Variants in ARVCF observed in about 807,000 individuals in gnomAD.
The protein encoded by ARVCF is ARVCF delta catenin family member.
Under a neutral mutation model 90.9 loss-of-function variants are expected in ARVCF, and 66 were observed. The ratio of observed to expected loss-of-function variants is 0.73; its 90% CI spans 0.60 to 0.89. The LOEUF is 0.89. Among genes scored for constraint, ARVCF ranks in the 40% least tolerant of loss-of-function variants. The pLI, the probability that ARVCF is intolerant of heterozygous loss-of-function variation, is 0.00. For missense variants in ARVCF, 1,469 were observed against 1,382.3 expected, an observed-to-expected ratio of 1.06 and a Z score of -1.00; for synonymous variants, 653 against 603.4, an observed-to-expected ratio of 1.08 and a Z score of -1.21.
chr22:19,972,094 C>T (rs1942843638), intron 17 of ARVCF, 123 bp from the exon 18 acceptor site: 1 of 998,948 alleles, frequency 1.0e-6, no homozygotes, highest in Non-Finnish European at 1.5e-6. Context: ...CAGCCCCCAC[C>T]CACCCTGTCC....
At position 19,976,911 on chromosome 22, in the gene ARVCF, C is replaced by A. The variant is rs536888467; in HGVS notation, c.1871-188G>T. Among the ~76,000 whole-genome samples the A allele has an allele frequency of 2.0e-5, 3 of 152,044 alleles. No individual in the cohort carries two copies. In the South Asian group the frequency reaches 6.2e-4, roughly 32 times the overall value. ...CACCAGGGGTACAAGAAGAGGGAGG[C>A]CTGGGGTCAGTGGGGCAGGGGCAGG... On this transcript the variant is annotated intron_variant, in intron 9 of 19. Transcript: ENST00000263207.
At position 20,009,747 on chromosome 22, in the gene ARVCF, C is replaced by T. The variant is rs115211289; in HGVS notation, c.-19+708G>A. ...CAGCCTCCAACCCTGCCATGCTTCCCAGGCGCTATGCCTCAGTCCCACTGG... is the reference window on the plus strand; with the variant it reads ...CAGCCTCCAACCCTGCCATGCTTCCTAGGCGCTATGCCTCAGTCCCACTGG... On this transcript the variant is annotated intron_variant, in intron 2 of 19. Transcript: ENST00000263207. 6.7e-3 allele frequency among the ~76,000 whole-genome samples: 1,026 copies of T among 152,378 alleles called. 15 individuals carry two copies. Among genetic ancestry groups the T allele is most frequent in the African/African-American group, 0.024 (984 of 41,598 alleles).
intron 2 of ARVCF, among the ~76,000 whole-genome samples, chr22:19,999,686 G>A (rs188713441): frequency 2.0e-5 from 3 of 152,302 alleles, no homozygotes; most frequent in Non-Finnish European, 2.9e-5. Flanking sequence ...TGGGCTGACC[G>A]CAAGGGATCA....
chr22:19,977,349 C>G (rs902022508), intron 9 of ARVCF, 66 bp downstream of exon 9: 23 of 1,465,096 alleles, frequency 1.6e-5, no homozygotes, highest in African/African-American at 5.7e-5. Context: ...TGTGGGTGTA[C>G]AGAGAGCCTT....
chr22:19,976,642 T>C, intron 10 of ARVCF, 64 bp downstream of exon 10: 1 of 1,541,040 alleles, frequency 6.5e-7, no homozygotes, highest in Non-Finnish European at 8.8e-7. Context: ...TGGAACGTGC[T>C]CGCCTCTTCC....
In ARVCF at chr22:19,996,338, G is replaced by C. The variant is rs535309071; in HGVS notation, c.-18-5526C>G. ...CAAAAAAAAAAAAAAGGGCCACACA[G>C]TGTGGTCATGTTTTTTAAAGAACTG... is the stretch of plus-strand genomic sequence containing the variant. On this transcript the variant is annotated intron_variant, in intron 2 of 19. Coordinates refer to ENST00000263207, the MANE Select transcript of ARVCF (RefSeq NM_001670.3). 7.9e-5 allele frequency among the ~76,000 whole-genome samples: 12 copies of C among 151,528 alleles called. No individual in the cohort carries two copies. In the East Asian group the frequency reaches 1.9e-3, roughly 24 times the overall value.
chr22:19,998,742 G>C (rs1023185544), intron 2 of ARVCF, among the ~76,000 whole-genome samples: 1 of 152,244 alleles, frequency 6.6e-6, no homozygotes, highest in Non-Finnish European at 1.5e-5. Flanking sequence ...TGCCTGGTGG[G>C]AGATGGGGAC....
intron 2 of ARVCF, among the ~76,000 whole-genome samples, chr22:20,010,162 A>G (rs528251132): frequency 6.6e-6 from 1 of 152,202 alleles, no homozygotes; most frequent in African/African-American, 2.4e-5. Flanking sequence ...CCAAACCAAC[A>G]CTGACCAGCA....
intron 3 of ARVCF, 51 bp from the exon 4 acceptor site, chr22:19,982,142 GGAGT>G: frequency 4.4e-6 from 7 of 1,594,716 alleles, no homozygotes; most frequent in Non-Finnish European, 6.0e-6. Context: ...AGTCACCCCT[GGAGT>G]GCAGGTCTCC....
intron 3 of ARVCF, chr22:19,983,572 A>G (rs1943613276): frequency 2.0e-5 from 3 of 152,360 alleles, no homozygotes; most frequent in African/African-American, 7.2e-5. Context: ...AGAAGTGGCC[A>G]CAGAAGGCAC....
intron 1 of ARVCF, among the ~76,000 whole-genome samples, chr22:20,012,621 G>A (rs1944878172): frequency 6.6e-6 from 1 of 152,262 alleles, no homozygotes; most frequent in Non-Finnish European, 1.5e-5. Context: ...TTTTCCCAGT[G>A]AGGATGGCCT....
chr22:19,977,758 G>A (rs948148882), intron 8 of ARVCF, among the ~76,000 whole-genome samples, 172 bp from the exon 9 acceptor site: 1 of 152,212 alleles, frequency 6.6e-6, no homozygotes, highest in East Asian at 1.9e-4. Flanking sequence ...ATGGGAGGAA[G>A]CCTCTGCCCT....
rs556071328 is a variant in ARVCF at position 19,989,400 on chromosome 22, G to A, written c.210+1185C>T. 2.0e-5 allele frequency among the ~76,000 whole-genome samples: 3 copies of A among 152,308 alleles called. No individual in the cohort carries two copies. In the South Asian group the frequency reaches 6.2e-4, roughly 32 times the overall value. On this transcript the variant is annotated intron_variant, in intron 3 of 19. Transcript: ENST00000263207. ...ACGCCTGCTGGCCGACACCAAGTCT[G>A]GACACCAAGACTCAAGGAGTAGTCA...
At chr22:19,979,548 A>T in intron 6 of ARVCF, 195 bp downstream of exon 6, 1 of 834,738 alleles carries the variant, frequency 1.2e-6, no homozygotes, top group South Asian at 1.9e-5. Flanking sequence ...CCTCCCTGCT[A>T]TGGTAGAGAC....
intron 11 of ARVCF, 43 bp downstream of exon 11, chr22:19,975,643 C>G: frequency 6.2e-7 from 1 of 1,609,748 alleles, no homozygotes. Context: ...ATCCTGAGCC[C>G]AGACATCCCC....
intron 9 of ARVCF, 113 bp from the exon 10 acceptor site, chr22:19,976,836 A>G (rs1943184781): frequency 2.4e-6 from 3 of 1,256,910 alleles, no homozygotes; most frequent in South Asian, 2.7e-5. Flanking sequence ...CCCTGGATCA[A>G]GCAGGCAGCA....
At chr22:19,982,405 T>G (rs1203944711) in intron 3 of ARVCF, among the ~76,000 whole-genome samples, 1 of 151,658 alleles carries the variant, frequency 6.6e-6, no homozygotes, top group Non-Finnish European at 1.5e-5. Context: ...CCCTGGGGGG[T>G]GAAGTCTTCA....
chr22:19,997,782 G>A (rs1944305958), intron 2 of ARVCF, among the ~76,000 whole-genome samples: 1 of 152,242 alleles, frequency 6.6e-6, no homozygotes, highest in Non-Finnish European at 1.5e-5. Context: ...TGAGCATGAA[G>A]TTTGTAGGAG....
rs372852955 is a variant in ARVCF, at chr22:19,971,854, G to A, written c.2781+32C>T. 3.7e-5 allele frequency: 60 copies of A among 1,609,880 alleles called. No homozygotes were observed. The African/African-American group carries it at 4.0e-4, about 11-fold the overall frequency. ...CAACCCCTAGACACGGGGCCTCACC[G>A]GGGACCTGCCCACAGCCACATGACC... On this transcript the variant is annotated intron_variant, in intron 18 of 19. Coordinates refer to ENST00000263207, the MANE Select transcript of ARVCF (RefSeq NM_001670.3).
Sources: allele counts gnomAD v4.1 joint callset (sites outside exome capture counted in the v4.1 genomes callset), GRCh38; gene constraint gnomAD v4.1.1; transcripts MANE v1.5; gene names NCBI Gene and HGNC (gene_info 2026-07-23, HGNC 2026-07-21).